ATP2B2: variants seen among roughly 807,000 people sequenced by gnomAD.
ATP2B2 encodes the protein ATPase plasma membrane Ca2+ transporting 2.
ATP2B2 carries 15 observed loss-of-function variants against 120.0 expected under a neutral mutation model. That is an observed-to-expected ratio of 0.12 (90% CI 0.08 to 0.19). The LOEUF (loss-of-function observed/expected upper bound fraction) is 0.19, where lower values mean the gene tolerates loss of function less well. Ranked by LOEUF, ATP2B2 falls within the 10% of genes least tolerant of loss-of-function variation. ATP2B2 has a pLI of 1.00. For missense variants in ATP2B2, 1,045 were observed against 1,719.8 expected, an observed-to-expected ratio of 0.61 and a Z score of 6.94; for synonymous variants, 694 against 700.3, an observed-to-expected ratio of 0.99 and a Z score of 0.14.
intron 2 of ATP2B2, among the ~76,000 whole-genome samples, chr3:10,604,277 C>T (rs967631797): frequency 6.6e-6 from 1 of 152,176 alleles, no homozygotes; most frequent in Non-Finnish European, 1.5e-5. Context: ...TTAAGACATC[C>T]ACCCACCTCC....
At chr3:10,510,172 A>ACTG (rs2066732238), upstream of ATP2B2, among the ~76,000 whole-genome samples, 3 of 152,030 alleles carry the variant, frequency 2.0e-5, no homozygotes, top group South Asian at 6.2e-4. Flanking sequence ...CCCTCCTCCT[A>ACTG]CTGGTCCTTG....
chr3:10,441,180 G>GCCTTGGCTTCCTGC (rs561819879), intron 2 of ATP2B2, among the ~76,000 whole-genome samples: 132 of 152,210 alleles, frequency 8.7e-4, no homozygotes, highest in African/African-American at 3.1e-3. Context: ...CTACACTGAG[G>GCCTTGGCTTCCTGC]CCTTGGCTTC....
rs766730475 is a variant in ATP2B2 at position 10,346,109 on chromosome 3, C to T, written c.2433G>A (p.Gln811=). The change falls in exon 17 of 23, where the codon CAG becomes CAA. Residue 811 remains glutamine (Q), a synonymous_variant. Coordinates refer to ENST00000360273, the MANE Select transcript of ATP2B2 (RefSeq NM_001001331.4). This position sits in a 1 kb window ranked among gnomAD's most constrained non-coding sequence, Gnocchi z 4.1. ...CCCCCGTCACGGCCACCACCTGCCG[C>T]TGCTCAGTGTGTGTGCTGTCGATGA... ...KGIIDSTHTE[Q]RQVVAVTGDG... 2 of 1,611,826 alleles carry T rather than the reference C, an allele frequency of 1.2e-6. No homozygotes were observed. Among genetic ancestry groups the T allele is most frequent in the African/African-American group, 2.7e-5 (2 of 74,950 alleles).
At chr3:10,662,808 C>A (rs2125681524) in intron 1 of ATP2B2, among the ~76,000 whole-genome samples, 1 of 152,070 alleles carries the variant, frequency 6.6e-6, no homozygotes, top group South Asian at 2.1e-4. Flanking sequence ...TTTATTGCGG[C>A]ACTATTCACA....
At chr3:10,356,077 A>T (rs2060718624) in intron 14 of ATP2B2, among the ~76,000 whole-genome samples, 1 of 11,008 alleles carries the variant, frequency 9.1e-5, no homozygotes, top group Non-Finnish European at 1.5e-4. Flanking sequence ...TCCGTCTCAA[A>T]AAAAAAAAAA....
At chr3:10,432,313 G>T (rs1458119074) in intron 2 of ATP2B2, among the ~76,000 whole-genome samples, 7 of 152,154 alleles carry the variant, frequency 4.6e-5, no homozygotes, top group African/African-American at 1.7e-4. Flanking sequence ...CCTGACTCAG[G>T]CGAGATCTCC....
At chr3:10,336,571 G>A (rs534340938) in intron 22 of ATP2B2, among the ~76,000 whole-genome samples, 41 of 152,284 alleles carry the variant, frequency 2.7e-4, no homozygotes, top group African/African-American at 9.9e-4. Context: ...GCTGGCCAGT[G>A]GGGGAGGCAG....
At chr3:10,615,084 G>C (rs773573527) in intron 2 of ATP2B2, among the ~76,000 whole-genome samples, 8 of 152,170 alleles carry the variant, frequency 5.3e-5, no homozygotes, top group African/African-American at 7.2e-5. Context: ...AGAACAGGGG[G>C]CTGGTGGGAT....
chr3:10,406,484 T>C (rs1180082506), intron 3 of ATP2B2, among the ~76,000 whole-genome samples: 1 of 152,236 alleles, frequency 6.6e-6, no homozygotes, highest in Non-Finnish European at 1.5e-5. Flanking sequence ...ACCTTCTCTA[T>C]GTTTAGATAC....
intron 2 of ATP2B2, among the ~76,000 whole-genome samples, chr3:10,447,580 C>A (rs568853423): frequency 1.3e-5 from 2 of 152,312 alleles, no homozygotes; most frequent in South Asian, 4.1e-4. Flanking sequence ...TTTAAGAATT[C>A]CTGATTTGAG....
At position 10,338,203 on chromosome 3, in the gene ATP2B2, G is replaced by A. The variant is rs2060179402; in HGVS notation, c.3393C>T (p.Phe1131=). Residue 1131 remains phenylalanine, a synonymous_variant, in exon 22 of 23, where the codon TTC becomes TTT. Transcript: ENST00000360273. ...RELRRGQILW[F]RGLNRIQTQI... ...GTGTCTGGATCCGATTCAGGCCTCG[G>A]AACCACAGGATCTGGCCCCGCCGCA... The A allele has an allele frequency of 6.2e-7, 1 of 1,614,118 alleles. No homozygotes were observed. Among genetic ancestry groups the A allele is most frequent in the African/African-American group, 1.3e-5 (1 of 75,060 alleles).
At chr3:10,362,442 G>T (rs1311105689) in intron 12 of ATP2B2, among the ~76,000 whole-genome samples, 1 of 152,204 alleles carries the variant, frequency 6.6e-6, no homozygotes, top group Non-Finnish European at 1.5e-5. Context: ...CTGAGACCTG[G>T]GGATGCATAG....
rs780332176 is a variant in ATP2B2, at chr3:10,371,880, T to C, written c.1588A>G (p.Ile530Val). Residue 530 changes from isoleucine to valine, a missense_variant, in exon 12 of 23, where the codon ATC (isoleucine) becomes GTC (valine). Physicochemically the swap from Ile to Val is conservative, Grantham distance 29 (BLOSUM62 3). Around this residue, in one of 11 missense-constraint regions of ATP2B2, gnomAD observed 343 missense variants for 536.8 expected, o/e 0.64. Coordinates refer to ENST00000360273, the MANE Select transcript of ATP2B2 (RefSeq NM_001001331.4). The stretch of plus-strand genomic sequence containing the variant: ...AGCAGCTCCATGGTCTTGGTGTTGA[T>C]GGAGCTGGGGTCGGGGATCTCTTTA... ...HYKEIPDPSS[I>V]NTKTMELLIN... 3 of 1,614,198 alleles carry C rather than the reference T, an allele frequency of 1.9e-6. No individual in the cohort carries two copies. The highest frequency in any genetic ancestry group is 3.3e-5 in the Admixed American group (2 of 60,016).
intron 13 of ATP2B2, 96 bp from the exon 14 acceptor site, chr3:10,359,021 GT>G: frequency 8.3e-7 from 1 of 1,200,122 alleles, no homozygotes; most frequent in Non-Finnish European, 1.2e-6. Flanking sequence ...CCAGCTAGCT[GT>G]GGCTGGTCAT....
Position 10,329,084 on chromosome 3 carries a change from A to G in ATP2B2, c.3462T>C (p.Gly1154=), listed in dbSNP as rs1229361225. ...VKAFRSSLYE[G]LEKPESRTSI... The stretch of plus-strand genomic sequence containing the variant: ...AGGTTCGAGATTCAGGCTTTTCTAA[A>G]CCTTCATAGAGAGAGCTACGGAACG... Residue 1154 remains glycine, a synonymous_variant, in exon 23 of 23, where the codon GGT becomes GGC. Coordinates refer to ENST00000360273, the MANE Select transcript of ATP2B2 (RefSeq NM_001001331.4). The surrounding 1 kb of genome is among the most constrained non-coding windows in gnomAD (Gnocchi z 5.9). The G allele has an allele frequency of 3.1e-6, 5 of 1,612,578 alleles. No individual in the cohort carries two copies. The highest frequency in any genetic ancestry group is 4.2e-6 in the Non-Finnish European group (5 of 1,179,796).
chr3:10,673,452 A>G (rs952573802), intron 1 of ATP2B2, among the ~76,000 whole-genome samples: 1 of 151,878 alleles, frequency 6.6e-6, no homozygotes, highest in East Asian at 1.9e-4. Flanking sequence ...ACAAAGAAAG[A>G]GAGAGAGAAG....
At chr3:10,553,309 C>T (rs536933632) in intron 2 of ATP2B2, among the ~76,000 whole-genome samples, 1 of 152,330 alleles carries the variant, frequency 6.6e-6, no homozygotes, top group Non-Finnish European at 1.5e-5. Flanking sequence ...TCTGGTTTGC[C>T]TCAGTTTCCT....
chr3:10,592,977 G>A (rs1299690664), intron 2 of ATP2B2, among the ~76,000 whole-genome samples: 1 of 152,120 alleles, frequency 6.6e-6, no homozygotes, highest in African/African-American at 2.4e-5. Context: ...GTAGAGATGA[G>A]GTTTTTCCAT....
Position 10,388,323 on chromosome 3 carries a change from G to C in ATP2B2, c.861C>G (p.Thr287=). ...GVNSQTGIIF[T]LLGAGGEEEE... is the part of the protein sequence containing the mutation. ...CCTCTTCACCACCAGCCCCCAGGAG[G>C]GTAAAGATGATGCCAGTCTGAGAGT... is the stretch of plus-strand genomic sequence containing the variant. Residue 287 remains threonine (T), a synonymous_variant, in exon 6 of 23, where the codon ACC becomes ACG. Coordinates refer to ENST00000360273, the MANE Select transcript of ATP2B2 (RefSeq NM_001001331.4). 1 of 1,614,184 alleles carries C rather than the reference G, an allele frequency of 6.2e-7. No individual in the cohort carries two copies. Among genetic ancestry groups the C allele is most frequent in the African/African-American group, 1.3e-5 (1 of 75,028 alleles).
Sources: gnomAD v4.1 joint callset for allele counts (sites outside exome capture counted in the v4.1 genomes callset) on GRCh38, gnomAD v4.1.1 for gene constraint, gnomAD v4.1.1 regional missense constraint, Gnocchi (gnomAD v3.1) non-coding constraint, MANE v1.5 for transcripts, NCBI Gene and HGNC (gene_info 2026-07-23, HGNC 2026-07-21) for gene names.